VAV2: variants seen among roughly 807,000 people sequenced by gnomAD.
The protein encoded by VAV2 is vav guanine nucleotide exchange factor 2.
VAV2 carries 67 observed loss-of-function variants against 132.5 expected under a neutral mutation model. The observed-to-expected ratio is 0.51, with a 90% CI of 0.42 to 0.62. The LOEUF (loss-of-function observed/expected upper bound fraction) is 0.62. VAV2 is among the 20% of genes least tolerant of loss of function. The pLI is 0.00. For synonymous variants in VAV2, 492 were observed against 443.5 expected, an observed-to-expected ratio of 1.11 and a Z score of -1.37; for missense variants, 938 against 1,153.6, an observed-to-expected ratio of 0.81 and a Z score of 2.71.
chr9:133,936,723 C>G (rs1373070895), intron 2 of VAV2, among the ~76,000 whole-genome samples: 2 of 152,178 alleles, frequency 1.3e-5, no homozygotes, highest in Non-Finnish European at 2.9e-5. Flanking sequence ...CGGGGGTCTG[C>G]ACGGTGACAT....
intron 4 of VAV2, among the ~76,000 whole-genome samples, chr9:133,815,005 A>G (rs1211425654): frequency 6.6e-6 from 1 of 152,188 alleles, no homozygotes; most frequent in East Asian, 1.9e-4. Context: ...CGGGAAATAC[A>G]GGATACGATC....
chr9:133,984,723 C>A (rs1480239210), intron 1 of VAV2, among the ~76,000 whole-genome samples: 1 of 152,084 alleles, frequency 6.6e-6, no homozygotes, highest in African/African-American at 2.4e-5. Flanking sequence ...GCATGGCCAA[C>A]GTGTCGAAGC....
In VAV2 at chr9:133,991,546, G is replaced by A. The variant is rs1843017916; in HGVS notation, c.204+529C>T. On this transcript the variant is annotated intron_variant, in intron 1 of 29. Coordinates refer to ENST00000371850, the MANE Select transcript of VAV2 (RefSeq NM_001134398.2). This position sits in a 1 kb window ranked among gnomAD's most constrained non-coding sequence, Gnocchi z 4.8. ...GGGAAGAGGCGGAGGCCGGCGAGGG[G>A]GCGGTGCCCGGGGCCAACCCAGCTC... 6.6e-6 allele frequency among the ~76,000 whole-genome samples: 1 copy of A among 151,970 alleles called. No homozygotes were observed. Among genetic ancestry groups the A allele is most frequent in the Non-Finnish European group, 1.5e-5 (1 of 67,928 alleles).
chr9:133,778,951 C>G, intron 21 of VAV2, 62 bp from the exon 22 acceptor site: 1 of 1,583,684 alleles, frequency 6.3e-7, no homozygotes, highest in South Asian at 1.1e-5. Flanking sequence ...TGACTTGGCC[C>G]CGGCCCGCAG....
intron 2 of VAV2, among the ~76,000 whole-genome samples, chr9:133,922,493 G>A (rs985332624): frequency 2.0e-5 from 3 of 152,210 alleles, no homozygotes; most frequent in Non-Finnish European, 4.4e-5. Flanking sequence ...TCAGGTGATG[G>A]CTTCTGGCTG....
chr9:133,779,527 AC>A (rs1444534828), intron 21 of VAV2, among the ~76,000 whole-genome samples: 1 of 152,222 alleles, frequency 6.6e-6, no homozygotes, highest in Middle Eastern at 3.2e-3. Context: ...GATGCTTTTT[AC>A]GCTGTGTCTA....
chr9:133,796,556 T>C, intron 10 of VAV2, 32 bp from the exon 11 acceptor site: 2 of 1,596,126 alleles, frequency 1.3e-6, no homozygotes, highest in Non-Finnish European at 1.7e-6. Context: ...GGGAGAGCCC[T>C]CCCCGAGGAA....
At chr9:133,909,235 G>A (rs1391565988) in intron 2 of VAV2, among the ~76,000 whole-genome samples, 1 of 152,042 alleles carries the variant, frequency 6.6e-6, no homozygotes, top group African/African-American at 2.4e-5. Context: ...TGGGTGTTTT[G>A]GTCTCATTGC....
At chr9:133,987,668 G>A (rs763591434) in intron 1 of VAV2, among the ~76,000 whole-genome samples, 1 of 152,186 alleles carries the variant, frequency 6.6e-6, no homozygotes, top group African/African-American at 2.4e-5. Context: ...GGACGATGTG[G>A]GCAAGTCAGA....
intron 2 of VAV2, among the ~76,000 whole-genome samples, chr9:133,907,890 G>A (rs1212321374): frequency 1.7e-5 from 2 of 119,282 alleles, no homozygotes; most frequent in Non-Finnish European, 3.4e-5. Context: ...CCCCCAGAGA[G>A]TGGAGGGAGG....
chr9:133,903,479 G>A (rs1296599609), intron 2 of VAV2, among the ~76,000 whole-genome samples: 4 of 152,126 alleles, frequency 2.6e-5, no homozygotes, highest in East Asian at 1.9e-4. Context: ...CAACAATCCC[G>A]GGAGATGTGA....
At chr9:133,894,483 CA>C (rs1459146135) in intron 2 of VAV2, among the ~76,000 whole-genome samples, 2 of 152,200 alleles carry the variant, frequency 1.3e-5, no homozygotes, top group African/African-American at 4.8e-5. Context: ...CCTCTGAGCC[CA>C]AAGGAGAGGC....
intron 4 of VAV2, among the ~76,000 whole-genome samples, chr9:133,816,573 C>T (rs1003109613): frequency 2.6e-5 from 4 of 152,182 alleles, no homozygotes; most frequent in African/African-American, 4.8e-5. Flanking sequence ...TTTCTCAAAA[C>T]GCCTCTTTTT....
In VAV2 at chr9:133,788,376, A is replaced by C; in HGVS notation, c.1385T>G (p.Met462Arg). ...CACCTTCTTGACGTCCTTGTTGTTC[A>C]TGGGGTCGTCGGTCATCTTGTGGAA... ...LLFHKMTDDP[M>R]NNKDVKKSHG... Residue 462 changes from methionine (M) to arginine (R), a missense_variant, in exon 15 of 30, where the codon ATG (methionine) becomes AGG (arginine). By Grantham distance (91) the Met-to-Arg change is moderately conservative. Transcript: ENST00000371850. This position sits in a 1 kb window ranked among gnomAD's most constrained non-coding sequence, Gnocchi z 5.3. 1 of 1,610,328 alleles carries C rather than the reference A, an allele frequency of 6.2e-7. No individual in the cohort carries two copies. The highest frequency in any genetic ancestry group is 8.5e-7 in the Non-Finnish European group (1 of 1,176,910).
At position 133,769,389 on chromosome 9, in the gene VAV2, C is replaced by A. The variant is rs748965324; in HGVS notation, c.2434+28G>T. The A allele has an allele frequency of 6.9e-6, 11 of 1,591,534 alleles. No homozygotes were observed. In the East Asian group the frequency reaches 1.4e-4, roughly 20 times the overall value. The stretch of plus-strand genomic sequence containing the variant: ...CCAAGGCAGCTGCCACAGGCCCGGT[C>A]CCCCCACGCCCTGGGGAGCAGCGGT... On this transcript the variant is annotated intron_variant, in intron 28 of 29. Transcript: ENST00000371850. The surrounding 1 kb of genome is among the most constrained non-coding windows in gnomAD (Gnocchi z 8.1).
At chr9:133,911,981 T>C (rs150697916) in intron 2 of VAV2, among the ~76,000 whole-genome samples, 3 of 152,314 alleles carry the variant, frequency 2.0e-5, no homozygotes, top group Admixed American at 6.5e-5. Flanking sequence ...TGTGCAGGTG[T>C]GTTCCATAGG....
chr9:133,769,225 C>A lies in VAV2; in HGVS notation c.2434+192G>T, dbSNP rs891944283. On this transcript the variant is annotated intron_variant, in intron 28 of 29. Coordinates refer to ENST00000371850, the MANE Select transcript of VAV2 (RefSeq NM_001134398.2). The surrounding 1 kb of genome is among the most constrained non-coding windows in gnomAD (Gnocchi z 8.1). The stretch of plus-strand genomic sequence containing the variant: ...GTGACAATGGCAGGGCCAAGCCTGA[C>A]GTGTCCTCAGGTGCTCGCAGCAGCC... Among the ~76,000 whole-genome samples the A allele has an allele frequency of 2.6e-5, 4 of 152,226 alleles. No individual in the cohort carries two copies. Among genetic ancestry groups the A allele is most frequent in the Non-Finnish European group, 5.9e-5 (4 of 68,032 alleles).
intron 3 of VAV2, among the ~76,000 whole-genome samples, chr9:133,856,096 A>C (rs781687583): frequency 3.3e-5 from 5 of 152,208 alleles, no homozygotes; most frequent in Non-Finnish European, 7.3e-5. Flanking sequence ...AAACATCCAG[A>C]ACAGGCAAAC....
chr9:133,856,934 C>T (rs890123706), intron 3 of VAV2, among the ~76,000 whole-genome samples: 2 of 152,188 alleles, frequency 1.3e-5, no homozygotes, highest in South Asian at 2.1e-4. Flanking sequence ...ACCTAGCAGC[C>T]GCGGGCCTTC....
Sources: gnomAD v4.1 joint callset for allele counts (sites outside exome capture counted in the v4.1 genomes callset) on GRCh38, gnomAD v4.1.1 for gene constraint, Gnocchi (gnomAD v3.1) non-coding constraint, MANE v1.5 for transcripts, NCBI Gene and HGNC (gene_info 2026-07-23, HGNC 2026-07-21) for gene names.